The following FRMD5 variants were observed in gnomAD, a reference collection of about 807,000 sequenced individuals.
The protein encoded by FRMD5 is FERM domain containing 5.
FRMD5 carries 20 observed loss-of-function variants against 69.0 expected under a neutral mutation model. That is an observed-to-expected ratio of 0.29 (90% CI 0.20 to 0.42). FRMD5 has a LOEUF of 0.42. FRMD5 is among the 10% of genes least tolerant of loss of function. FRMD5 has a pLI of 1.00. For synonymous variants in FRMD5, 271 were observed against 260.1 expected (o/e 1.04, Z -0.40); for missense variants, 595 against 708.6 (o/e 0.84, Z 1.82).
intron 1 of FRMD5, among the ~76,000 whole-genome samples, chr15:44,134,355 T>G (rs2042738): frequency 0.82 from 124,724 of 152,194 alleles, 53,646 homozygotes; most frequent in Non-Finnish European, 0.94. Flanking sequence ...GAGGGCAATA[T>G]TAACAGCGCT....
intron 1 of FRMD5, among the ~76,000 whole-genome samples, chr15:44,070,299 A>G (rs1380167665): frequency 6.6e-6 from 1 of 151,456 alleles, no homozygotes; most frequent in East Asian, 1.9e-4. Context: ...ACAGACCAAA[A>G]CCTTATTTAT....
chr15:44,001,611 GTTTT>G (rs35453119), intron 1 of FRMD5, among the ~76,000 whole-genome samples: 1 of 138,088 alleles, frequency 7.2e-6, no homozygotes, highest in Non-Finnish European at 1.6e-5. Flanking sequence ...CAATTTTATT[GTTTT>G]TTTTTTTTTT....
intron 4 of FRMD5, among the ~76,000 whole-genome samples, chr15:43,915,934 T>G (rs2140431827): frequency 6.6e-6 from 1 of 152,236 alleles, no homozygotes; most frequent in East Asian, 1.9e-4. Context: ...GGGCCCGGTA[T>G]CTCCTCTCTT....
chr15:44,153,740 G>A (rs2077482769), intron 1 of FRMD5, among the ~76,000 whole-genome samples: 3 of 152,276 alleles, frequency 2.0e-5, no homozygotes, highest in South Asian at 2.1e-4. Flanking sequence ...AGGCCCAGGC[G>A]GGTGAATCAC....
Position 44,179,910 on chromosome 15 carries a change from G to A in FRMD5, c.102+15043C>T, listed in dbSNP as rs529048214. Among the ~76,000 whole-genome samples, 11 of 152,260 alleles carry A rather than the reference G, an allele frequency of 7.2e-5. No individual in the cohort carries two copies. The East Asian group carries it at 1.7e-3, about 24-fold the overall frequency. ...CAACTGTAGCTAGGCACAGTGGTGT[G>A]TGCCTATAATCCCAGCCACTTCGGA... On this transcript the variant is annotated intron_variant, in intron 1 of 13. Transcript: ENST00000417257.
chr15:44,180,326 C>A (rs569939423), intron 1 of FRMD5, among the ~76,000 whole-genome samples: 8 of 152,016 alleles, frequency 5.3e-5, no homozygotes, highest in African/African-American at 1.9e-4. Flanking sequence ...ACATATATTA[C>A]AAATTAAAGA....
At chr15:44,135,306 TCAAAACAAGCCTACTATGAA>T (rs888292299) in intron 1 of FRMD5, among the ~76,000 whole-genome samples, 137 of 152,168 alleles carry the variant, frequency 9.0e-4, no homozygotes, top group African/African-American at 3.3e-3. Context: ...AAACTAGGAG[TCAAAACAAGCCTACTATGAA>T]CAAAACAAGC....
At chr15:44,152,877 T>G (rs1476127850) in intron 1 of FRMD5, among the ~76,000 whole-genome samples, 1 of 35,982 alleles carries the variant, frequency 2.8e-5, no homozygotes, top group Non-Finnish European at 1.1e-4. Flanking sequence ...GCAAATATTT[T>G]CTAAAAAAAA....
At chr15:44,012,484 T>C (rs988187546) in intron 1 of FRMD5, among the ~76,000 whole-genome samples, 2 of 152,160 alleles carry the variant, frequency 1.3e-5, no homozygotes, top group Non-Finnish European at 2.9e-5. Context: ...CCAAATTAAA[T>C]AAGGGTAACT....
intron 1 of FRMD5, chr15:43,990,178 C>G (rs1373389483): frequency 3.7e-6 from 2 of 539,082 alleles, no homozygotes; most frequent in Non-Finnish European, 7.1e-6. Flanking sequence ...GTGATATCAT[C>G]ATCCATGGTG....
chr15:43,905,854 A>G lies in FRMD5; in HGVS notation c.525T>C (p.Ile175=). The G allele has an allele frequency of 6.2e-7, 1 of 1,614,174 alleles. No homozygotes were observed. Among genetic ancestry groups the G allele is most frequent in the Admixed American group, 1.7e-5 (1 of 60,018 alleles). Residue 175 remains isoleucine, a synonymous_variant, in exon 6 of 14, where the codon ATT becomes ATC. Transcript: ENST00000417257. ...PKHSEKLERK[I]AEIHKTELSG... is the part of the protein sequence containing the mutation. ...TCAGTTCCGTCTTGTGAATCTCAGCAATTTTCCTTTCCAGCTTCTCTGAAT... is the reference window on the plus strand; with the variant it reads ...TCAGTTCCGTCTTGTGAATCTCAGCGATTTTCCTTTCCAGCTTCTCTGAAT...
At chr15:43,911,114 T>C (rs2089280338) in intron 4 of FRMD5, among the ~76,000 whole-genome samples, 1 of 152,244 alleles carries the variant, frequency 6.6e-6, no homozygotes. Flanking sequence ...TGTAAGATTA[T>C]GAGGAGCATC....
chr15:44,030,681 T>G (rs1390663612), intron 1 of FRMD5, among the ~76,000 whole-genome samples: 1 of 152,000 alleles, frequency 6.6e-6, no homozygotes, highest in African/African-American at 2.4e-5. Flanking sequence ...AGTGATACCA[T>G]GGATCCCATT....
rs548425145 is a variant in FRMD5, at chr15:43,971,240, C to CA, written c.103-46932dup. 2.4e-4 allele frequency among the ~76,000 whole-genome samples: 36 copies of CA among 148,590 alleles called. 2 individuals are homozygous for CA. The highest frequency in any genetic ancestry group is 8.4e-4 in the African/African-American group (34 of 40,266). On this transcript the variant is annotated intron_variant, in intron 1 of 13. Coordinates refer to ENST00000417257, the MANE Select transcript of FRMD5 (RefSeq NM_032892.5). ...GGTGACAGAGTATGACTCCACCTCA[C>CA]AAAAAAACAAAAAACAAAAAACAAA...
upstream of FRMD5, among the ~76,000 whole-genome samples, chr15:44,195,649 G>A (rs1423195476): frequency 1.3e-5 from 2 of 151,856 alleles, no homozygotes; most frequent in African/African-American, 4.8e-5. Context: ...CTTGGGAGCC[G>A]GAGCGAGGAG....
intron 1 of FRMD5, among the ~76,000 whole-genome samples, chr15:43,945,505 T>A (rs1294920232): frequency 6.6e-6 from 1 of 152,182 alleles, no homozygotes; most frequent in Admixed American, 6.5e-5. Context: ...TACTTTTACT[T>A]GTTACAGTGG....
At chr15:43,963,100 A>G (rs1343074584) in intron 1 of FRMD5, among the ~76,000 whole-genome samples, 3 of 152,198 alleles carry the variant, frequency 2.0e-5, no homozygotes, top group African/African-American at 7.2e-5. Flanking sequence ...AAAAGAAACC[A>G]CCATCAGAGT....
chr15:43,982,434 G>GTT (rs947173323), intron 1 of FRMD5, among the ~76,000 whole-genome samples: 1 of 151,942 alleles, frequency 6.6e-6, no homozygotes, highest in Admixed American at 6.6e-5. Context: ...GGCAGCTGGT[G>GTT]TTTTTTTTCA....
At chr15:43,992,531 C>T (rs1430830603) in intron 1 of FRMD5, among the ~76,000 whole-genome samples, 3 of 152,082 alleles carry the variant, frequency 2.0e-5, no homozygotes, top group African/African-American at 7.2e-5. Context: ...GTGCATGCTA[C>T]TATGCCCAGC....
Sources: gnomAD v4.1 joint callset for allele counts (sites outside exome capture counted in the v4.1 genomes callset) on GRCh38, gnomAD v4.1.1 for gene constraint, MANE v1.5 for transcripts, NCBI Gene and HGNC (gene_info 2026-07-23, HGNC 2026-07-21) for gene names.